The following OR4N2 variants were observed in gnomAD, a reference collection of about 807,000 sequenced individuals.
OR4N2 encodes the protein olfactory receptor family 4 subfamily N member 2.
For synonymous variants in OR4N2, 141 were observed against 140.4 expected (o/e 1.00, Z -0.03); for missense variants, 307 against 377.6 (o/e 0.81, Z 1.55).
Position 19,814,097 on chromosome 14 carries a change from C to T in OR4N2, c.-10+10253C>T, listed in dbSNP as rs113775544. ...GTTCTTATTTCACTTGTAAAGTGACCCATAAACTCAGTGTTTTCTCTAAAG... is the reference window on the plus strand; with the variant it reads ...GTTCTTATTTCACTTGTAAAGTGACTCATAAACTCAGTGTTTTCTCTAAAG... On this transcript the variant is annotated intron_variant, in intron 1 of 1. Coordinates refer to ENST00000557677, the MANE Select transcript of OR4N2 (RefSeq NM_001004723.3). Among the ~76,000 whole-genome samples, 917 of 151,674 alleles carry T rather than the reference C, an allele frequency of 6.0e-3. 5 individuals carry two copies. Among genetic ancestry groups the T allele is most frequent in the African/African-American group, 0.02 (828 of 41,336 alleles).
At chr14:19,825,960 A>G (rs1879687586) in intron 1 of OR4N2, among the ~76,000 whole-genome samples, 1 of 152,250 alleles carries the variant, frequency 6.6e-6, no homozygotes, top group South Asian at 2.1e-4. Context: ...GTAATTTTCA[A>G]ACTTAAAAAA....
intron 1 of OR4N2, among the ~76,000 whole-genome samples, chr14:19,816,061 T>A (rs1344609320): frequency 6.6e-6 from 1 of 152,250 alleles, no homozygotes; most frequent in Non-Finnish European, 1.5e-5. Flanking sequence ...GGTCTATAGA[T>A]CTGTTTTGGT....
chr14:19,818,771 T>C (rs1458069916), intron 1 of OR4N2, among the ~76,000 whole-genome samples: 3 of 152,274 alleles, frequency 2.0e-5, no homozygotes, highest in Non-Finnish European at 4.4e-5. Context: ...AGTTTCTTCA[T>C]AGCTTCAATG....
At position 19,805,461 on chromosome 14, in the gene OR4N2, A is replaced by G. The variant is rs574529412; in HGVS notation, c.-10+1617A>G. The stretch of plus-strand genomic sequence containing the variant: ...CTTCATAATACAGTTGGAAATATTA[A>G]CAGCAAAATAGACCAAGCTAAGGAA... On this transcript the variant is annotated intron_variant, in intron 1 of 1. Coordinates refer to ENST00000557677, the MANE Select transcript of OR4N2 (RefSeq NM_001004723.3). Among the ~76,000 whole-genome samples, 27 of 152,348 alleles carry G rather than the reference A, an allele frequency of 1.8e-4. No homozygotes were observed. In the South Asian group the frequency reaches 5.6e-3, roughly 32 times the overall value.
Position 19,828,196 on chromosome 14 carries a change from A to G in OR4N2, c.748A>G (p.Met250Val). Residue 250 changes from methionine (M) to valine (V), a missense_variant, in exon 2 of 2, where the codon ATG (methionine) becomes GTG (valine). Coordinates refer to ENST00000557677, the MANE Select transcript of OR4N2 (RefSeq NM_001004723.3). The part of the protein sequence containing the change: ...CITHIIVIFF[M>V]FGPGIFIYTR... ...CACCCATATCATTGTTATATTCTTC[A>G]TGTTTGGACCTGGCATCTTCATCTA... 1.2e-6 allele frequency: 2 copies of G among 1,614,186 alleles called. No individual in the cohort carries two copies. Among genetic ancestry groups the G allele is most frequent in the Non-Finnish European group, 1.7e-6 (2 of 1,180,044 alleles).
At chr14:19,811,816 A>G (rs1367511747) in intron 1 of OR4N2, among the ~76,000 whole-genome samples, 2 of 152,272 alleles carry the variant, frequency 1.3e-5, no homozygotes, top group Non-Finnish European at 2.9e-5. Context: ...ATAAAGGGCA[A>G]TTATGAAAAA....
At chr14:19,827,399 C>T in intron 1 of OR4N2, 41 bp from the exon 2 acceptor site, 1 of 1,493,790 alleles carries the variant, frequency 6.7e-7, no homozygotes, top group Non-Finnish European at 9.0e-7. Context: ...AGTTGGAAGA[C>T]ATAGTAATAA....
chr14:19,827,407 T>C (rs1429262807), intron 1 of OR4N2, 33 bp from the exon 2 acceptor site: 1 of 1,513,280 alleles, frequency 6.6e-7, no homozygotes. Context: ...GACATAGTAA[T>C]AACAATTAAT....
chr14:19,805,062 C>T (rs1168960637), intron 1 of OR4N2, among the ~76,000 whole-genome samples: 1 of 152,170 alleles, frequency 6.6e-6, no homozygotes, highest in Non-Finnish European at 1.5e-5. Flanking sequence ...TTTTCTCCAT[C>T]CCTTTATTTT....
At chr14:19,806,015 A>G (rs1421180984) in intron 1 of OR4N2, among the ~76,000 whole-genome samples, 1 of 152,182 alleles carries the variant, frequency 6.6e-6, no homozygotes, top group Non-Finnish European at 1.5e-5. Flanking sequence ...CCTTCTCAGA[A>G]AATAAAATGC....
At chr14:19,815,588 G>T (rs1879403150) in intron 1 of OR4N2, among the ~76,000 whole-genome samples, 1 of 151,526 alleles carries the variant, frequency 6.6e-6, no homozygotes, top group African/African-American at 2.4e-5. Context: ...TTGTCAGATG[G>T]ATAGATTGCA....
intron 1 of OR4N2, among the ~76,000 whole-genome samples, chr14:19,825,680 T>C (rs1157781147): frequency 9.2e-5 from 14 of 152,122 alleles, no homozygotes; most frequent in African/African-American, 1.7e-4. Flanking sequence ...CTCAGCCTCC[T>C]GAGTAGCTGG....
intron 1 of OR4N2, among the ~76,000 whole-genome samples, chr14:19,813,620 C>T (rs1448533606): frequency 1.3e-5 from 2 of 152,320 alleles, no homozygotes; most frequent in African/African-American, 4.8e-5. Context: ...CATTTTGGTG[C>T]CTTGATGTCA....
chr14:19,827,156 C>T (rs539757429), intron 1 of OR4N2, among the ~76,000 whole-genome samples: 1 of 152,366 alleles, frequency 6.6e-6, no homozygotes, highest in South Asian at 2.1e-4. Flanking sequence ...ATGTAGGAAT[C>T]CCAACGTGGA....
chr14:19,812,329 CTT>C (rs3078143), intron 1 of OR4N2, among the ~76,000 whole-genome samples: 22 of 117,400 alleles, frequency 1.9e-4, no homozygotes, highest in Admixed American at 3.8e-4. Context: ...CTTTTCTTTT[CTT>C]TTTTTTTTTT....
At chr14:19,820,254 T>G (rs1879531312) in intron 1 of OR4N2, among the ~76,000 whole-genome samples, 1 of 152,248 alleles carries the variant, frequency 6.6e-6, no homozygotes, top group African/African-American at 2.4e-5. Flanking sequence ...TTCATTGATT[T>G]TTTGAAGAGT....
At chr14:19,805,190 T>C (rs568092627) in intron 1 of OR4N2, among the ~76,000 whole-genome samples, 1 of 152,338 alleles carries the variant, frequency 6.6e-6, no homozygotes, top group African/African-American at 2.4e-5. Flanking sequence ...TTAACTCATT[T>C]ACATTCAAGG....
At chr14:19,807,772 G>T (rs1444877294) in intron 1 of OR4N2, among the ~76,000 whole-genome samples, 5 of 152,098 alleles carry the variant, frequency 3.3e-5, no homozygotes, top group Non-Finnish European at 5.9e-5. Context: ...ACCTGGCAGG[G>T]ACAGAACAAA....
intron 1 of OR4N2, among the ~76,000 whole-genome samples, chr14:19,817,538 C>CTTTAT (rs1879456608): frequency 1.3e-5 from 2 of 151,992 alleles, no homozygotes; most frequent in Non-Finnish European, 2.9e-5. Context: ...AGTGGTGATA[C>CTTTAT]CCCTTTATCA....
Sources: allele counts gnomAD v4.1 joint callset (sites outside exome capture counted in the v4.1 genomes callset), GRCh38; gene constraint gnomAD v4.1.1; transcripts MANE v1.5; gene names NCBI Gene and HGNC (gene_info 2026-07-23, HGNC 2026-07-21).